Variants in MIB2 observed in about 807,000 individuals in gnomAD.
MIB2 encodes the protein E3 ubiquitin-protein ligase MIB2.
A neutral mutation model predicts 96.6 loss-of-function variants in MIB2; 78 were observed. The ratio of observed to expected loss-of-function variants is 0.81; its 90% CI spans 0.67 to 0.97. The LOEUF (loss-of-function observed/expected upper bound fraction) is 0.97, where lower values mean the gene tolerates loss of function less well. Among genes scored for constraint, MIB2 ranks in the 50% least tolerant of loss-of-function variants. The pLI, the probability that MIB2 is intolerant of heterozygous loss-of-function variation, is 0.00. For missense variants in MIB2, 1,543 were observed against 1,424.0 expected, an observed-to-expected ratio of 1.08 and a Z score of -1.35; for synonymous variants, 820 against 629.5, an observed-to-expected ratio of 1.30 and a Z score of -4.53.
Position 1,625,563 on chromosome 1 carries a change from C to T in MIB2, c.882C>T (p.Gly294=). The change falls in exon 8 of 20, where the codon GGC becomes GGT. Residue 294 remains glycine (G), a synonymous_variant. Transcript: ENST00000355826. The surrounding 1 kb of genome is among the most constrained non-coding windows in gnomAD (Gnocchi z 5.0). The part of the protein sequence containing the change: ...PRMAEFIGQT[G]TVHRITDRGD... ...CGCCACAGTTTATCGGACAGACGGG[C>T]ACCGTGCATCGTATCACGGACCGCG... The T allele has an allele frequency of 6.3e-7, 1 of 1,582,730 alleles. No individual in the cohort carries two copies. Among genetic ancestry groups the T allele is most frequent in the Non-Finnish European group, 8.6e-7 (1 of 1,164,938 alleles).
intron 1 of MIB2, 200 bp from the exon 2 acceptor site, chr1:1,616,308 C>A: frequency 2.3e-6 from 1 of 440,272 alleles, no homozygotes; most frequent in Non-Finnish European, 3.8e-6. Context: ...ACCCCGGGCG[C>A]ACGCAATTAC....
intron 19 of MIB2, among the ~76,000 whole-genome samples, chr1:1,629,962 C>T (rs1027587880): frequency 2.0e-5 from 3 of 148,776 alleles, no homozygotes; most frequent in Non-Finnish European, 3.0e-5. Context: ...ATTTCACGGC[C>T]CCTCCCAGAT....
chr1:1,619,839 T>C (rs977759610), intron 2 of MIB2, among the ~76,000 whole-genome samples: 4 of 152,182 alleles, frequency 2.6e-5, no homozygotes, highest in Admixed American at 2.0e-4. Flanking sequence ...TCAGGTGGGC[T>C]TCCATGAGGG....
chr1:1,630,516 C>A lies in MIB2; in HGVS notation c.2854C>A (p.Gln952Lys). 1 of 1,586,892 alleles carries A rather than the reference C, an allele frequency of 6.3e-7. No individual in the cohort carries two copies. The highest frequency in any genetic ancestry group is 2.3e-5 in the East Asian group (1 of 43,314). The change falls in exon 20 of 20, where the codon CAG becomes AAG. Residue 952 changes from glutamine (Q) to lysine (K), a missense_variant. Transcript: ENST00000355826. ...CCGCCAGCCCATCCGCGACCGCATC[C>A]AGATCTTCGTGTGAGCCGCGCCGTC... ...ICRQPIRDRI[Q>K]IFV
Position 1,626,736 on chromosome 1 carries a change from G to A in MIB2, c.1059G>A (p.Trp353Ter). ...VKRLQAGHGE[W>*]TDDMAPALGR... Reference sequence around the variant, plus strand: ...GGCTGCAGGCTGGGCATGGCGAGTGGACGGACGACATGGCCCCTGTGAGTC... The same window carrying A: ...GGCTGCAGGCTGGGCATGGCGAGTGAACGGACGACATGGCCCCTGTGAGTC... The change falls in exon 9 of 20, where the codon TGG (tryptophan) becomes TGA (stop). Residue 353 changes from tryptophan to a stop codon, truncating the protein, a stop_gained. Coordinates refer to ENST00000355826, the MANE Select transcript of MIB2 (RefSeq NM_001170687.4). LOFTEE classifies it high-confidence loss of function. This position sits in a 1 kb window ranked among gnomAD's most constrained non-coding sequence, Gnocchi z 5.3. The A allele has an allele frequency of 6.3e-7, 1 of 1,597,480 alleles. No homozygotes were observed. The highest frequency in any genetic ancestry group is 8.5e-7 in the Non-Finnish European group (1 of 1,173,146).
Position 1,622,198 on chromosome 1 carries a change from C to T in MIB2, c.-22-1233C>T, listed in dbSNP as rs560337288. ...CCCCACCTCTGCTTCAGGCAGTGTT[C>T]CTGGGCTGCCTCCTTCCCTGGCCAT... is the stretch of plus-strand genomic sequence containing the variant. On this transcript the variant is annotated intron_variant, in intron 2 of 19. Coordinates refer to ENST00000355826, the MANE Select transcript of MIB2 (RefSeq NM_001170687.4). Among the ~76,000 whole-genome samples the T allele has an allele frequency of 3.6e-3, 548 of 152,322 alleles. 3 individuals carry two copies. The highest frequency in any genetic ancestry group is 0.014 in the Middle Eastern group (4 of 294).
upstream of MIB2, chr1:1,614,880 T>C (rs867002880): frequency 3.3e-5 from 5 of 152,658 alleles, no homozygotes; most frequent in South Asian, 9.6e-4. Flanking sequence ...CTGTGCGTGG[T>C]AGCGCATGCC....
At position 1,626,655 on chromosome 1, in the gene MIB2, C is replaced by G. The variant is rs1644797780; in HGVS notation, c.978C>G (p.His326Gln). 15 of 1,571,500 alleles carry G rather than the reference C, an allele frequency of 9.5e-6. No homozygotes were observed. Among genetic ancestry groups the G allele is most frequent in the Non-Finnish European group, 1.2e-5 (14 of 1,159,534 alleles). Reference sequence around the variant, plus strand: ...CGCCCCTCTTTGTCGCTCAGCACCACTCCTTCTGGGTGGGCGACGTGGTCC... The same window carrying G: ...CGCCCCTCTTTGTCGCTCAGCACCAGTCCTTCTGGGTGGGCGACGTGGTCC... Reference protein sequence around the residue: ...TFHPGALTKHHSFWVGDVVRV... With the variant: ...TFHPGALTKHQSFWVGDVVRV... Residue 326 changes from histidine (H) to glutamine (Q), a missense_variant, in exon 9 of 20, where the codon CAC becomes CAG. Transcript: ENST00000355826. The surrounding 1 kb of genome is among the most constrained non-coding windows in gnomAD (Gnocchi z 5.3).
At chr1:1,627,567 G>A (rs1328567772) in intron 12 of MIB2, 106 bp from the exon 13 acceptor site, 20 of 1,479,468 alleles carry the variant, frequency 1.4e-5, no homozygotes, top group Admixed American at 9.7e-5. Flanking sequence ...GGAGGGGCCC[G>A]GCGGGGCTGA....
Position 1,627,343 on chromosome 1 carries a change from C to T in MIB2, c.1422C>T (p.Tyr474=), listed in dbSNP as rs1048935908. 1 of 1,613,154 alleles carries T rather than the reference C, an allele frequency of 6.2e-7. No individual in the cohort carries two copies. The highest frequency in any genetic ancestry group is 8.5e-7 in the Non-Finnish European group (1 of 1,179,976). Residue 474 remains tyrosine, a synonymous_variant, in exon 12 of 20, where the codon TAC becomes TAT. Transcript: ENST00000355826. ...QGRTALQVAA[Y]LGQVELIRLL... is the part of the protein sequence containing the mutation. ...GGACCGCTCTGCAAGTGGCTGCCTA[C>T]CTGGGCCAGGTGGAGTTGATACGGC... is the stretch of plus-strand genomic sequence containing the variant.
rs1569931818 is a variant in MIB2 at position 1,630,322 on chromosome 1, CCCCCGG to C, written c.2664_2669del (p.Gly889_Pro890del). 6.5e-7 allele frequency: 1 copy of C among 1,531,224 alleles called. No homozygotes were observed. Among genetic ancestry groups the C allele is most frequent in the Non-Finnish European group, 8.8e-7 (1 of 1,142,790 alleles). The allele number at this position is 1,531,224 out of a possible 1,614,324, so 94.9% of individuals were successfully genotyped here. On this transcript the variant is annotated inframe_deletion, in exon 20 of 20. Coordinates refer to ENST00000355826, the MANE Select transcript of MIB2 (RefSeq NM_001170687.4). ...TCTGAGGTGGCGAGCGCCGCCCCCG[CCCCCGG>C]CCCGCCGCGCCAGCTGGTGGAGGAG...
chr1:1,615,663 GTCC>G (rs746267248), intron 1 of MIB2, 30 bp downstream of exon 1: 3 of 1,557,440 alleles, frequency 1.9e-6, no homozygotes, highest in Non-Finnish European at 1.7e-6. Context: ...TCCTCCCCTG[GTCC>G]TCCGCACCGT....
At position 1,625,870 on chromosome 1, in the gene MIB2, G is replaced by A. The variant is rs1644712301; in HGVS notation, c.972+217G>A. On this transcript the variant is annotated intron_variant, in intron 8 of 19. Coordinates refer to ENST00000355826, the MANE Select transcript of MIB2 (RefSeq NM_001170687.4). This position sits in a 1 kb window ranked among gnomAD's most constrained non-coding sequence, Gnocchi z 5.0. ...AACCCAGAGGAGGGTATGTCTCTGG[G>A]AGCTGGAATGGGCAGGTTAGGGCCT... 3 of 584,994 alleles carry A rather than the reference G, an allele frequency of 5.1e-6. No individual in the cohort carries two copies. The highest frequency in any genetic ancestry group is 9.2e-6 in the Non-Finnish European group (3 of 326,988). 36.2% of individuals were successfully genotyped at this position (584,994 alleles called of 1,614,324 possible).
chr1:1,615,443 G>A (rs935772004), upstream of MIB2: 2 of 1,503,962 alleles, frequency 1.3e-6, no homozygotes, highest in South Asian at 1.3e-5. Context: ...GCCCATCCCC[G>A]TGGCGGGGGC....
intron 14 of MIB2, 26 bp from the exon 15 acceptor site, chr1:1,628,247 C>G: frequency 6.2e-7 from 1 of 1,612,820 alleles, no homozygotes; most frequent in Non-Finnish European, 8.5e-7. Context: ...AGTCCCAGGT[C>G]CCAGACCAAC....
rs776810755 is a variant in MIB2 at position 1,625,026 on chromosome 1, C to T, written c.562C>T (p.Arg188Cys). 5.0e-6 allele frequency: 8 copies of T among 1,612,942 alleles called. No homozygotes were observed. Among genetic ancestry groups the T allele is most frequent in the Non-Finnish European group, 6.8e-6 (8 of 1,179,876 alleles). The change falls in exon 6 of 20, where the codon CGT becomes TGT. Residue 188 changes from arginine (R) to cysteine (C), a missense_variant. Arg to Cys is a radical substitution (Grantham distance 180). Coordinates refer to ENST00000355826, the MANE Select transcript of MIB2 (RefSeq NM_001170687.4). The surrounding 1 kb of genome is among the most constrained non-coding windows in gnomAD (Gnocchi z 5.0). ...EGKPGRVVDIRGWDVETGRSV... is the reference protein window; with the variant it reads ...EGKPGRVVDICGWDVETGRSV... ...GAAACCGGGCCGTGTGGTGGACATC[C>T]GTGGCTGGGATGTGGAGACAGGCCG...
Position 1,625,137 on chromosome 1 carries a change from G to A in MIB2, c.673G>A (p.Gly225Ser), listed in dbSNP as rs771797167. The A allele has an allele frequency of 6.2e-7, 1 of 1,613,050 alleles. No homozygotes were observed. Among genetic ancestry groups the A allele is most frequent in the African/African-American group, 1.3e-5 (1 of 75,032 alleles). ...GGGCAAGGTGGACCTCAAGTGTGTG[G>A]GCGAGGCAGCGGGCGGCTTCTACTA... is the stretch of plus-strand genomic sequence containing the variant. The part of the protein sequence containing the change: ...HKGKVDLKCV[G>S]EAAGGFYYKD... Residue 225 changes from glycine to serine, a missense_variant, in exon 6 of 20, where the codon GGC (glycine) becomes AGC (serine). Physicochemically the swap from Gly to Ser is moderately conservative, Grantham distance 56 (BLOSUM62 0). Transcript: ENST00000355826. This position sits in a 1 kb window ranked among gnomAD's most constrained non-coding sequence, Gnocchi z 5.0.
chr1:1,627,652 T>G, intron 12 of MIB2, 21 bp from the exon 13 acceptor site: 4 of 1,585,716 alleles, frequency 2.5e-6, no homozygotes, highest in Non-Finnish European at 2.6e-6. Flanking sequence ...GCCCTCCCTC[T>G]CCCACTTCCT....
At chr1:1,622,229 C>T (rs533410065) in intron 2 of MIB2, among the ~76,000 whole-genome samples, 1 of 152,346 alleles carries the variant, frequency 6.6e-6, no homozygotes, top group African/African-American at 2.4e-5. Context: ...GCCATGGGGT[C>T]CTAGTGGTTT....
Sources: allele counts gnomAD v4.1 joint callset (sites outside exome capture counted in the v4.1 genomes callset), GRCh38; gene constraint gnomAD v4.1.1; non-coding constraint Gnocchi (gnomAD v3.1); transcripts MANE v1.5; gene names NCBI Gene and HGNC (gene_info 2026-07-23, HGNC 2026-07-21).